Variants in ADAMTS19 observed in about 807,000 individuals in gnomAD.
ADAMTS19 encodes the protein ADAM metallopeptidase with thrombospondin type 1 motif 19, also known as A disintegrin and metalloproteinase with thrombospondin motifs 19.
ADAMTS19 carries 93 observed loss-of-function variants against 153.3 expected under a neutral mutation model. That is an observed-to-expected ratio of 0.61 (90% CI 0.51 to 0.72). ADAMTS19 has a LOEUF of 0.72. ADAMTS19 is among the 30% of genes least tolerant of loss of function. ADAMTS19 has a pLI of 0.00. For missense variants in ADAMTS19, 1,482 were observed against 1,552.1 expected (o/e 0.95, Z 0.76); for synonymous variants, 600 against 556.6 (o/e 1.08, Z -1.10).
At chr5:129,598,636 G>A (rs1750498408) in intron 8 of ADAMTS19, among the ~76,000 whole-genome samples, 1 of 152,122 alleles carries the variant, frequency 6.6e-6, no homozygotes, top group African/African-American at 2.4e-5. Flanking sequence ...TATACATTGT[G>A]GAATGGCAAA....
intron 19 of ADAMTS19, among the ~76,000 whole-genome samples, chr5:129,701,050 C>T (rs900624331): frequency 6.6e-5 from 10 of 151,680 alleles, no homozygotes; most frequent in Admixed American, 5.3e-4. Context: ...TGAGAGGGAC[C>T]GGTAGGAGGT....
rs13436234 is a variant in ADAMTS19 at position 129,515,738 on chromosome 5, A to C, written c.913+6496A>C. ...AGGATTACATTATCAGCAAACAAGGATAATTTGACTTCTTCCTTTCCAATT... is the reference window on the plus strand; with the variant it reads ...AGGATTACATTATCAGCAAACAAGGCTAATTTGACTTCTTCCTTTCCAATT... On this transcript the variant is annotated intron_variant, in intron 3 of 22. Transcript: ENST00000274487. Among the ~76,000 whole-genome samples, 800 of 152,104 alleles carry C rather than the reference A, an allele frequency of 5.3e-3. 3 individuals carry two copies. Among genetic ancestry groups the C allele is most frequent in the Non-Finnish European group, 9.2e-3 (626 of 67,922 alleles).
intron 21 of ADAMTS19, among the ~76,000 whole-genome samples, chr5:129,706,308 G>C (rs181198441): frequency 6.6e-6 from 1 of 152,134 alleles, no homozygotes; most frequent in South Asian, 2.1e-4. Flanking sequence ...AGTGGCTCAC[G>C]CCTGTAATCC....
intron 10 of ADAMTS19, among the ~76,000 whole-genome samples, chr5:129,629,935 AAAGG>A (rs544072694): frequency 4.7e-4 from 71 of 152,200 alleles, no homozygotes; most frequent in African/African-American, 1.7e-3. Flanking sequence ...CTTTTTCTGA[AAAGG>A]AAGGAAGTGT....
intron 8 of ADAMTS19, among the ~76,000 whole-genome samples, chr5:129,608,865 A>AT (rs1251973847): frequency 1.3e-5 from 2 of 152,020 alleles, no homozygotes; most frequent in Admixed American, 6.6e-5. Flanking sequence ...AAGAAAAAAA[A>AT]AAAGAGAAGA....
intron 3 of ADAMTS19, among the ~76,000 whole-genome samples, chr5:129,512,434 A>G (rs990318652): frequency 6.6e-6 from 1 of 152,124 alleles, no homozygotes; most frequent in African/African-American, 2.4e-5. Flanking sequence ...GCATTTGGAT[A>G]CAACATGGTC....
chr5:129,465,069 C>T (rs1417832592), intron 2 of ADAMTS19, among the ~76,000 whole-genome samples: 5 of 152,240 alleles, frequency 3.3e-5, no homozygotes, highest in African/African-American at 9.6e-5. Context: ...GGTTGAGATA[C>T]GTGAAAATAC....
At position 129,654,312 on chromosome 5, in the gene ADAMTS19, C is replaced by G. The variant is rs779874325; in HGVS notation, c.2183C>G (p.Pro728Arg). Residue 728 changes from proline (P) to arginine (R), a missense_variant, in exon 14 of 23, where the codon CCA (proline) becomes CGA (arginine). Physicochemically the swap from Pro to Arg is moderately radical, Grantham distance 103. Coordinates refer to ENST00000274487, the MANE Select transcript of ADAMTS19 (RefSeq NM_133638.6). ...TTATCTACTCTGTATGTAGAAAAACCATGTGCCTTGTTTTGCTCTCCTGTT... is the reference window on the plus strand; with the variant it reads ...TTATCTACTCTGTATGTAGAAAAACGATGTGCCTTGTTTTGCTCTCCTGTT... Reference protein sequence around the residue: ...QWQAVLDEEKPCALFCSPVGK... With the variant: ...QWQAVLDEEKRCALFCSPVGK... 2 of 1,607,430 alleles carry G rather than the reference C, an allele frequency of 1.2e-6. No individual in the cohort carries two copies. Among genetic ancestry groups the G allele is most frequent in the Non-Finnish European group, 1.7e-6 (2 of 1,178,462 alleles).
At chr5:129,672,667 G>A (rs1453288299) in intron 16 of ADAMTS19, among the ~76,000 whole-genome samples, 1 of 152,140 alleles carries the variant, frequency 6.6e-6, no homozygotes, top group African/African-American at 2.4e-5. Context: ...AGTGGAAGTA[G>A]AAAAATCAAT....
At chr5:129,587,334 C>CT (rs145292239) in intron 7 of ADAMTS19, among the ~76,000 whole-genome samples, 215 of 144,128 alleles carry the variant, frequency 1.5e-3, no homozygotes, top group South Asian at 5.3e-3. Context: ...ACTCGATGTT[C>CT]TTTTTTTTTT....
intron 21 of ADAMTS19, among the ~76,000 whole-genome samples, chr5:129,704,617 A>G (rs1756060799): frequency 6.6e-6 from 1 of 152,204 alleles, no homozygotes. Context: ...CTTGACACAA[A>G]GGAAGCTATC....
chr5:129,520,877 T>A (rs1751777051), intron 3 of ADAMTS19, among the ~76,000 whole-genome samples: 1 of 152,156 alleles, frequency 6.6e-6, no homozygotes, highest in South Asian at 2.1e-4. Flanking sequence ...AGAGCTCACC[T>A]TTTTTCTATC....
At position 129,523,930 on chromosome 5, in the gene ADAMTS19, C is replaced by T. The variant is rs116811358; in HGVS notation, c.914-2354C>T. Among the ~76,000 whole-genome samples the T allele has an allele frequency of 9.8e-3, 1,499 of 152,252 alleles. 29 individuals carry two copies. The highest frequency in any genetic ancestry group is 0.035 in the African/African-American group (1,456 of 41,542). Reference sequence around the variant, plus strand: ...TTCAGTGCTATTCCTATCAAGCTTCCATTGACTTTCTTCACAGAATTAGAA... The same window carrying T: ...TTCAGTGCTATTCCTATCAAGCTTCTATTGACTTTCTTCACAGAATTAGAA... On this transcript the variant is annotated intron_variant, in intron 3 of 22. Coordinates refer to ENST00000274487, the MANE Select transcript of ADAMTS19 (RefSeq NM_133638.6).
intron 6 of ADAMTS19, among the ~76,000 whole-genome samples, chr5:129,545,654 A>G (rs894620637): frequency 1.3e-5 from 2 of 151,872 alleles, no homozygotes; most frequent in South Asian, 2.1e-4. Context: ...ATCACTGGCC[A>G]TCAGAGAAAT....
chr5:129,723,701 C>T (rs1389095731), intron 21 of ADAMTS19, among the ~76,000 whole-genome samples: 1 of 152,124 alleles, frequency 6.6e-6, no homozygotes, highest in Non-Finnish European at 1.5e-5. Context: ...TGAAAAGAGT[C>T]AAACTGTGTA....
At chr5:129,524,752 T>C (rs548596098) in intron 3 of ADAMTS19, among the ~76,000 whole-genome samples, 1 of 151,520 alleles carries the variant, frequency 6.6e-6, no homozygotes, top group South Asian at 2.1e-4. Context: ...ATCCCAGAAC[T>C]TGAAGGGAAA....
At position 129,612,471 on chromosome 5, in the gene ADAMTS19, T is replaced by C. The variant is rs183139320; in HGVS notation, c.1479-8147T>C. The stretch of plus-strand genomic sequence containing the variant: ...CATAAGTGAAGGAGAAATAAAATAC[T>C]TTAAGACAAGCAAATGCTGAGAGAT... On this transcript the variant is annotated intron_variant, in intron 8 of 22. Transcript: ENST00000274487. Among the ~76,000 whole-genome samples, 304 of 152,184 alleles carry C rather than the reference T, an allele frequency of 2.0e-3. 2 individuals carry two copies. The highest frequency in any genetic ancestry group is 7.1e-3 in the African/African-American group (296 of 41,522).
At chr5:129,725,167 G>A (rs1757155753) in intron 21 of ADAMTS19, among the ~76,000 whole-genome samples, 1 of 152,014 alleles carries the variant, frequency 6.6e-6, no homozygotes, top group Admixed American at 6.6e-5. Context: ...GCTAGTGTAT[G>A]AAAAATGTAT....
intron 2 of ADAMTS19, among the ~76,000 whole-genome samples, chr5:129,498,422 T>TG (rs1342106813): frequency 1.6e-4 from 24 of 152,230 alleles, no homozygotes; most frequent in Admixed American, 2.6e-4. Flanking sequence ...TTTTTCATTT[T>TG]GAAAAATGAA....
Sources: allele counts gnomAD v4.1 joint callset (sites outside exome capture counted in the v4.1 genomes callset), GRCh38; gene constraint gnomAD v4.1.1; transcripts MANE v1.5; gene names NCBI Gene and HGNC (gene_info 2026-07-23, HGNC 2026-07-21).